VIT: variants seen among roughly 807,000 people sequenced by gnomAD.
The protein encoded by VIT is vitrin.
A neutral mutation model predicts 78.0 loss-of-function variants in VIT; 99 were observed. The ratio of observed to expected loss-of-function variants is 1.27; its 90% CI spans 1.08 to 1.50. The LOEUF is 1.50. Among genes scored for constraint, VIT ranks in the 40% most tolerant of loss-of-function variants. VIT has a pLI of 0.00. For missense variants in VIT, 1,126 were observed against 875.3 expected (o/e 1.29, Z -3.61); for synonymous variants, 374 against 334.3 (o/e 1.12, Z -1.29).
rs563771246 is a variant in VIT at position 36,767,030 on chromosome 2, T to C, written c.488-64T>C. 3.5e-6 allele frequency: 5 copies of C among 1,431,766 alleles called. No individual in the cohort carries two copies. In the Admixed American group the frequency reaches 1.4e-4, roughly 39 times the overall value. 88.7% of individuals were successfully genotyped at this position (1,431,766 alleles called of 1,614,324 possible). A position where few individuals can be genotyped will look rare whatever the true frequency, so the allele number is the denominator to read the frequency against. On this transcript the variant is annotated intron_variant, in intron 6 of 15. Transcript: ENST00000379242. The stretch of plus-strand genomic sequence containing the variant: ...AGTGTTCAATCAACATTTATTTTAT[T>C]TCTAGTTCTATAAGAGTGTACAGGT...
intron 13 of VIT, among the ~76,000 whole-genome samples, chr2:36,804,696 G>A (rs797004667): frequency 1.3e-5 from 2 of 152,280 alleles, no homozygotes; most frequent in African/African-American, 4.8e-5. Flanking sequence ...TGGGTGTGGT[G>A]GTGCGTGCCT....
intron 7 of VIT, among the ~76,000 whole-genome samples, chr2:36,771,664 G>T (rs1339814627): frequency 6.6e-6 from 1 of 152,046 alleles, no homozygotes; most frequent in Non-Finnish European, 1.5e-5. Flanking sequence ...GTTTGGATGA[G>T]AGTGTGGAGA....
intron 12 of VIT, among the ~76,000 whole-genome samples, chr2:36,789,763 G>A (rs932727178): frequency 5.9e-5 from 9 of 152,180 alleles, no homozygotes; most frequent in Non-Finnish European, 7.3e-5. Flanking sequence ...GGAATCACAG[G>A]CTGAGGCCTT....
chr2:36,760,000 T>A (rs1053247823), intron 6 of VIT, among the ~76,000 whole-genome samples: 1 of 23,608 alleles, frequency 4.2e-5, no homozygotes, highest in African/African-American at 4.7e-5. Flanking sequence ...TCTCTTTTTT[T>A]TTTTTCTTTT....
At chr2:36,715,550 A>T (rs796581601) in intron 1 of VIT, among the ~76,000 whole-genome samples, 3 of 152,080 alleles carry the variant, frequency 2.0e-5, no homozygotes, top group East Asian at 1.9e-4. Context: ...AAAAAATAAA[A>T]AAAAAAAAGA....
chr2:36,745,760 T>C (rs983092471), intron 4 of VIT, among the ~76,000 whole-genome samples: 3 of 152,134 alleles, frequency 2.0e-5, no homozygotes, highest in African/African-American at 7.2e-5. Context: ...AGAGAGGGAG[T>C]TTGACTTCTT....
chr2:36,814,268 C>A lies in VIT; in HGVS notation c.1989C>A (p.Ser663=). 1 of 1,614,222 alleles carries A rather than the reference C, an allele frequency of 6.2e-7. No homozygotes were observed. The highest frequency in any genetic ancestry group is 1.3e-5 in the African/African-American group (1 of 75,056). The change falls in exon 16 of 16, where the codon TCC becomes TCA. Residue 663 remains serine, a synonymous_variant. Transcript: ENST00000379242. ...VIATHPARDH[S]FFVDEFDNLH... ...CCACTCACCCCGCCAGAGACCACTCCTTCTTTGTGGACGAGTTTGACAACC... is the reference window on the plus strand; with the variant it reads ...CCACTCACCCCGCCAGAGACCACTCATTCTTTGTGGACGAGTTTGACAACC...
Position 36,716,291 on chromosome 2 carries a change from T to C in VIT, c.-18-62T>C, listed in dbSNP as rs1666130011. On this transcript the variant is annotated intron_variant, in intron 1 of 15. Transcript: ENST00000379242. ...TGATGCAGTCTATCCCCACACACTCTGTGCATCCAAATCAGAACCCCCGGC... is the reference window on the plus strand; with the variant it reads ...TGATGCAGTCTATCCCCACACACTCCGTGCATCCAAATCAGAACCCCCGGC... The C allele has an allele frequency of 2.9e-6, 4 of 1,390,950 alleles. No individual in the cohort carries two copies. The Admixed American group carries it at 6.8e-5, about 24-fold the overall frequency. 86.2% of individuals were successfully genotyped at this position (1,390,950 alleles called of 1,614,324 possible).
intron 1 of VIT, among the ~76,000 whole-genome samples, chr2:36,703,679 T>C (rs1269313740): frequency 1.3e-5 from 2 of 152,188 alleles, no homozygotes; most frequent in Non-Finnish European, 2.9e-5. Flanking sequence ...AAGACCACTT[T>C]ATTATAGAAG....
At chr2:36,727,051 G>A (rs1421038053) in intron 2 of VIT, among the ~76,000 whole-genome samples, 1 of 152,022 alleles carries the variant, frequency 6.6e-6, no homozygotes, top group Non-Finnish European at 1.5e-5. Context: ...AAATGCTATC[G>A]GAGGTTCTGC....
At chr2:36,704,882 G>A (rs1442559265) in intron 1 of VIT, among the ~76,000 whole-genome samples, 2 of 152,066 alleles carry the variant, frequency 1.3e-5, no homozygotes, top group South Asian at 2.1e-4. Flanking sequence ...AAGTTTTGCC[G>A]GACCTGAGAA....
chr2:36,757,198 C>T (rs541025195), intron 5 of VIT, among the ~76,000 whole-genome samples: 2 of 152,296 alleles, frequency 1.3e-5, no homozygotes, highest in South Asian at 4.2e-4. Context: ...TGTCCGAATC[C>T]TCTTCTGAAG....
intron 4 of VIT, among the ~76,000 whole-genome samples, chr2:36,752,529 A>G (rs1232109091): frequency 1.3e-5 from 2 of 152,222 alleles, no homozygotes; most frequent in African/African-American, 4.8e-5. Context: ...TTTTCCAGAG[A>G]ATATCTATGA....
At chr2:36,732,976 A>C (rs1667296272) in intron 3 of VIT, among the ~76,000 whole-genome samples, 1 of 152,238 alleles carries the variant, frequency 6.6e-6, no homozygotes, top group Non-Finnish European at 1.5e-5. Flanking sequence ...GTAGTTCAAC[A>C]TACAGAAATA....
intron 6 of VIT, among the ~76,000 whole-genome samples, chr2:36,765,868 C>G (rs1669398044): frequency 6.6e-6 from 1 of 152,258 alleles, no homozygotes; most frequent in East Asian, 1.9e-4. Context: ...AAATTTCTGT[C>G]ATTTTAAGCC....
intron 12 of VIT, among the ~76,000 whole-genome samples, chr2:36,787,513 G>T (rs547620413): frequency 6.6e-6 from 1 of 152,236 alleles, no homozygotes; most frequent in African/African-American, 2.4e-5. Flanking sequence ...GATGGCATTT[G>T]CACTCAAGAA....
chr2:36,759,637 T>C (rs973440329), intron 6 of VIT: 64 of 990,190 alleles, frequency 6.5e-5, no homozygotes, highest in Non-Finnish European at 6.2e-5. Context: ...CCAGAGGTGT[T>C]TTGATTTCCC....
intron 1 of VIT, among the ~76,000 whole-genome samples, chr2:36,707,108 A>G (rs1445751589): frequency 6.6e-6 from 1 of 152,072 alleles, no homozygotes; most frequent in Non-Finnish European, 1.5e-5. Flanking sequence ...TCTAGTTAAA[A>G]CCACTGTATG....
chr2:36,727,627 G>A (rs572151096), intron 2 of VIT, among the ~76,000 whole-genome samples: 13 of 152,338 alleles, frequency 8.5e-5, no homozygotes, highest in Non-Finnish European at 1.8e-4. Context: ...CAGGGGCTGA[G>A]AAAAGTATAC....
Sources: allele counts gnomAD v4.1 joint callset (sites outside exome capture counted in the v4.1 genomes callset), GRCh38; gene constraint gnomAD v4.1.1; transcripts MANE v1.5; gene names NCBI Gene and HGNC (gene_info 2026-07-23, HGNC 2026-07-21).